GNA14: variants seen among roughly 807,000 people sequenced by gnomAD.
GNA14 encodes the protein G protein subunit alpha 14, also known as guanine nucleotide-binding protein subunit alpha-14.
Under a neutral mutation model 42.0 loss-of-function variants are expected in GNA14, and 50 were observed. The observed-to-expected ratio is 1.19, with a 90% CI of 0.95 to 1.51. GNA14 has a LOEUF of 1.51. Among genes scored for constraint, GNA14 ranks in the 40% most tolerant of loss-of-function variants. The pLI, the probability that GNA14 is intolerant of heterozygous loss-of-function variation, is 0.00. For missense variants in GNA14, 473 were observed against 446.2 expected, an observed-to-expected ratio of 1.06 and a Z score of -0.54; for synonymous variants, 173 against 163.1, an observed-to-expected ratio of 1.06 and a Z score of -0.46.
chr9:77,518,647 A>G (rs1837300388), intron 2 of GNA14, among the ~76,000 whole-genome samples: 1 of 152,212 alleles, frequency 6.6e-6, no homozygotes, highest in South Asian at 2.1e-4. Context: ...TTTTACAATC[A>G]ACCACAACTT....
chr9:77,454,078 C>T (rs1385974409), intron 2 of GNA14, among the ~76,000 whole-genome samples: 1 of 152,236 alleles, frequency 6.6e-6, no homozygotes, highest in Non-Finnish European at 1.5e-5. Flanking sequence ...CATCCGATCT[C>T]TTCAAAATCT....
intron 1 of GNA14, among the ~76,000 whole-genome samples, chr9:77,576,336 T>G (rs534976853): frequency 6.6e-6 from 1 of 152,346 alleles, no homozygotes; most frequent in East Asian, 1.9e-4. Context: ...TATTTTTAGC[T>G]GATGATAGTG....
intron 1 of GNA14, among the ~76,000 whole-genome samples, chr9:77,560,532 T>A (rs1199817985): frequency 2.6e-5 from 4 of 152,130 alleles, no homozygotes; most frequent in African/African-American, 9.7e-5. Context: ...CCCAGGCTGG[T>A]CTTGAACTCC....
intron 2 of GNA14, among the ~76,000 whole-genome samples, chr9:77,455,442 G>A (rs932129394): frequency 3.3e-5 from 5 of 152,190 alleles, no homozygotes; most frequent in Non-Finnish European, 5.9e-5. Flanking sequence ...CTAATCGTGG[G>A]AGTGACAGCC....
chr9:77,614,599 TTC>T (rs1207872587), intron 1 of GNA14, among the ~76,000 whole-genome samples: 2 of 152,148 alleles, frequency 1.3e-5, no homozygotes, highest in African/African-American at 4.8e-5. Flanking sequence ...CCTCAAAATA[TTC>T]TCTTTATCCC....
intron 2 of GNA14, among the ~76,000 whole-genome samples, chr9:77,471,431 G>A (rs959386767): frequency 2.6e-5 from 4 of 152,170 alleles, no homozygotes; most frequent in Non-Finnish European, 5.9e-5. Context: ...GCTGGGAAGT[G>A]TGAGCAAATT....
At chr9:77,631,467 TAAAAA>T (rs59294268) in intron 1 of GNA14, among the ~76,000 whole-genome samples, 17 of 123,404 alleles carry the variant, frequency 1.4e-4, no homozygotes, top group Non-Finnish European at 1.9e-4. Context: ...ACTTTTTATG[TAAAAA>T]AAAAAAAAAA....
At chr9:77,437,017 T>A (rs1017750421) in intron 2 of GNA14, among the ~76,000 whole-genome samples, 6 of 151,848 alleles carry the variant, frequency 4.0e-5, no homozygotes, top group African/African-American at 1.4e-4. Flanking sequence ...GGCCAATCTG[T>A]AATTCCAACT....
intron 1 of GNA14, among the ~76,000 whole-genome samples, chr9:77,588,144 G>A (rs1823333877): frequency 6.6e-6 from 1 of 152,122 alleles, no homozygotes; most frequent in Admixed American, 6.5e-5. Context: ...ACACTCTCCC[G>A]ATTTCAAGAT....
chr9:77,433,489 A>C (rs1835592686), intron 3 of GNA14, among the ~76,000 whole-genome samples: 1 of 151,814 alleles, frequency 6.6e-6, no homozygotes, highest in Non-Finnish European at 1.5e-5. Context: ...TAGGCTCAAG[A>C]CATCCTCCCG....
intron 1 of GNA14, among the ~76,000 whole-genome samples, chr9:77,642,116 A>G (rs1292033997): frequency 2.0e-5 from 3 of 152,268 alleles, no homozygotes; most frequent in African/African-American, 4.8e-5. Context: ...GATTGTGATC[A>G]TACATTTGTC....
intron 1 of GNA14, among the ~76,000 whole-genome samples, chr9:77,581,643 C>T (rs776637019): frequency 1.8e-4 from 27 of 152,158 alleles, no homozygotes; most frequent in Non-Finnish European, 2.8e-4. Context: ...TTACCCCAAT[C>T]GGATCCTTTT....
At chr9:77,644,304 A>T (rs1025202273) in intron 1 of GNA14, among the ~76,000 whole-genome samples, 3 of 151,932 alleles carry the variant, frequency 2.0e-5, no homozygotes, top group African/African-American at 7.3e-5. Context: ...AAAAATAAAA[A>T]TAAGCCCAGC....
At chr9:77,517,608 T>C (rs2131756607) in intron 2 of GNA14, 1 of 104,062 alleles carries the variant, frequency 9.6e-6, no homozygotes, top group South Asian at 3.7e-4. Flanking sequence ...TTTTTTTTTT[T>C]TTTTTTTTTT....
In GNA14 at chr9:77,648,103, C is replaced by G. The variant is rs1824390651; in HGVS notation, c.-310G>C. 2 of 401,598 alleles carry G rather than the reference C, an allele frequency of 5.0e-6. No individual in the cohort carries two copies. The highest frequency in any genetic ancestry group is 8.9e-6 in the Non-Finnish European group (2 of 224,260). 24.9% of individuals were successfully genotyped at this position (401,598 alleles called of 1,614,324 possible). A position where few individuals can be genotyped will look rare whatever the true frequency, so the allele number is the denominator to read the frequency against. ...GAGAAGTTGGGAGCGTTGCTGGCCCCGGGAAGATGCGCGCGCCCCTTGGCA... is the reference window on the plus strand; with the variant it reads ...GAGAAGTTGGGAGCGTTGCTGGCCCGGGGAAGATGCGCGCGCCCCTTGGCA... On this transcript the variant is annotated 5_prime_UTR_variant, in exon 1 of 7. Coordinates refer to ENST00000341700, the MANE Select transcript of GNA14 (RefSeq NM_004297.4).
chr9:77,605,466 C>T (rs1200069647), intron 1 of GNA14, among the ~76,000 whole-genome samples: 1 of 152,186 alleles, frequency 6.6e-6, no homozygotes, highest in Non-Finnish European at 1.5e-5. Context: ...ACTTTTCTCC[C>T]CCAAACAGGT....
chr9:77,589,335 T>G (rs1357072054), intron 1 of GNA14, among the ~76,000 whole-genome samples: 1 of 152,216 alleles, frequency 6.6e-6, no homozygotes, highest in Non-Finnish European at 1.5e-5. Context: ...GTGTTACCAA[T>G]TCCTTTGACT....
intron 1 of GNA14, among the ~76,000 whole-genome samples, chr9:77,541,813 G>T (rs78828457): frequency 1.8e-3 from 276 of 152,054 alleles, no homozygotes; most frequent in African/African-American, 6.1e-3. Flanking sequence ...TTCTACTTGA[G>T]CAAGTCTACT....
chr9:77,438,627 G>C (rs1286606683), intron 2 of GNA14, among the ~76,000 whole-genome samples: 3 of 151,974 alleles, frequency 2.0e-5, no homozygotes, highest in African/African-American at 7.3e-5. Context: ...GCAAAGATGT[G>C]GGGAAAATGG....
Sources: gnomAD v4.1 joint callset for allele counts (sites outside exome capture counted in the v4.1 genomes callset) on GRCh38, gnomAD v4.1.1 for gene constraint, MANE v1.5 for transcripts, NCBI Gene and HGNC (gene_info 2026-07-23, HGNC 2026-07-21) for gene names.